Variants in RNGTT observed in about 807,000 individuals in gnomAD.
The protein encoded by RNGTT is RNA guanylyltransferase and 5'-phosphatase.
Under a neutral mutation model 79.3 loss-of-function variants are expected in RNGTT, and 33 were observed. The ratio of observed to expected loss-of-function variants is 0.42; its 90% CI spans 0.32 to 0.56. The LOEUF (loss-of-function observed/expected upper bound fraction) is 0.56. Ranked by LOEUF, RNGTT falls within the 20% of genes least tolerant of loss-of-function variation. The probability of loss-of-function intolerance (pLI) is 0.17; values close to 1 mark genes in which losing one functional copy is unlikely to be tolerated. For missense variants in RNGTT, 497 were observed against 739.1 expected (o/e 0.67, Z 3.80); for synonymous variants, 222 against 235.9 (o/e 0.94, Z 0.54).
chr6:88,816,297 A>G (rs1780312720), intron 11 of RNGTT, among the ~76,000 whole-genome samples: 1 of 152,220 alleles, frequency 6.6e-6, no homozygotes, highest in Non-Finnish European at 1.5e-5. Context: ...ATTATCTCCC[A>G]GGAAGATTCC....
At chr6:88,734,427 A>T (rs1777217640) in intron 13 of RNGTT, among the ~76,000 whole-genome samples, 1 of 152,196 alleles carries the variant, frequency 6.6e-6, no homozygotes, top group Non-Finnish European at 1.5e-5. Flanking sequence ...AACAAGTACA[A>T]CAAATAAAAA....
Position 88,682,569 on chromosome 6 carries a change from A to AT in RNGTT, c.1440-4151dup, listed in dbSNP as rs564415330. ...TTAAAAAGTGTATTCCATAAAGCAC[A>AT]TTTTTTTTCCTTTTTTTAAAATTTC... On this transcript the variant is annotated intron_variant, in intron 13 of 15. Transcript: ENST00000369485. Among the ~76,000 whole-genome samples the AT allele has an allele frequency of 1.8e-4, 28 of 152,098 alleles. No individual in the cohort carries two copies. In the South Asian group the frequency reaches 5.6e-3, roughly 30 times the overall value.
chr6:88,919,681 T>C (rs886531457), intron 4 of RNGTT, among the ~76,000 whole-genome samples: 2 of 151,154 alleles, frequency 1.3e-5, no homozygotes, highest in Admixed American at 1.3e-4. Flanking sequence ...CCTAATTATT[T>C]GATCAGTCTA....
intron 13 of RNGTT, among the ~76,000 whole-genome samples, chr6:88,769,023 C>T (rs1057184001): frequency 5.9e-5 from 9 of 152,082 alleles, no homozygotes; most frequent in Non-Finnish European, 1.3e-4. Flanking sequence ...AGACTTATTT[C>T]GATATGCTTA....
rs1162744002 is a variant in RNGTT at position 88,780,286 on chromosome 6, A to G, written c.1339-10412T>C. Among the ~76,000 whole-genome samples the G allele has an allele frequency of 2.6e-5, 4 of 152,340 alleles. No homozygotes were observed. The East Asian group carries it at 5.8e-4, about 22-fold the overall frequency. On this transcript the variant is annotated intron_variant, in intron 12 of 15. Coordinates refer to ENST00000369485, the MANE Select transcript of RNGTT (RefSeq NM_003800.5). ...ATTTAAAAATGAAATATCTGAGATT[A>G]TGAAATAAGCTAACAATATTTATGA...
intron 8 of RNGTT, among the ~76,000 whole-genome samples, chr6:88,878,072 ATTTG>A (rs200562338): frequency 6.7e-6 from 1 of 149,860 alleles, no homozygotes; most frequent in Non-Finnish European, 1.5e-5. Flanking sequence ...ACCTAATTTC[ATTTG>A]TTTATTTATT....
Position 88,612,619 on chromosome 6 carries a change from C to A in RNGTT, c.*100G>T. The A allele has an allele frequency of 7.7e-7, 1 of 1,291,554 alleles. No individual in the cohort carries two copies. Among genetic ancestry groups the A allele is most frequent in the Non-Finnish European group, 1.1e-6 (1 of 926,906 alleles). The allele number at this position is 1,291,554 out of a possible 1,614,324, so 80.0% of individuals were successfully genotyped here. Reference sequence around the variant, plus strand: ...AAAAAATTCAAATGTGTATCAACATCAAGCCACAGTCGTTTTTCAATTTCT... The same window carrying A: ...AAAAAATTCAAATGTGTATCAACATAAAGCCACAGTCGTTTTTCAATTTCT... On this transcript the variant is annotated 3_prime_UTR_variant, in exon 16 of 16. Transcript: ENST00000369485.
intron 12 of RNGTT, among the ~76,000 whole-genome samples, chr6:88,783,733 T>C (rs902232447): frequency 3.3e-5 from 5 of 151,754 alleles, no homozygotes; most frequent in African/African-American, 1.2e-4. Flanking sequence ...ATTGGGGCAG[T>C]TGACTCTTTG....
At chr6:88,820,438 T>C (rs1780460557) in intron 11 of RNGTT, among the ~76,000 whole-genome samples, 1 of 152,092 alleles carries the variant, frequency 6.6e-6, no homozygotes, top group African/African-American at 2.4e-5. Flanking sequence ...TTCTAGCTAA[T>C]AAAGTAAGAC....
chr6:88,868,437 T>A (rs151063815), intron 8 of RNGTT, among the ~76,000 whole-genome samples: 1 of 152,324 alleles, frequency 6.6e-6, no homozygotes, highest in East Asian at 1.9e-4. Flanking sequence ...CTGCCTTAAC[T>A]GTAAGAGCTT....
intron 5 of RNGTT, 146 bp downstream of exon 5, chr6:88,906,219 A>G: frequency 1.6e-6 from 1 of 616,214 alleles, no homozygotes; most frequent in Non-Finnish European, 2.9e-6. Context: ...TAGTATAAAG[A>G]TTAACCATAT....
intron 13 of RNGTT, among the ~76,000 whole-genome samples, chr6:88,763,569 G>T (rs1393899288): frequency 2.0e-5 from 3 of 152,104 alleles, no homozygotes; most frequent in South Asian, 4.1e-4. Flanking sequence ...AGAGACAGTG[G>T]TCACTCTGAC....
intron 14 of RNGTT, chr6:88,678,136 G>C: frequency 1.2e-6 from 1 of 859,612 alleles, no homozygotes; most frequent in Non-Finnish European, 1.5e-6. Flanking sequence ...ATAGGCACAT[G>C]CCACTGAACT....
chr6:88,924,209 T>C (rs1784249946), intron 4 of RNGTT, among the ~76,000 whole-genome samples: 1 of 152,170 alleles, frequency 6.6e-6, no homozygotes, highest in Non-Finnish European at 1.5e-5. Flanking sequence ...CAGGGCAAAG[T>C]CCCCTAGGAG....
At chr6:88,808,663 A>C (rs1780037178) in intron 11 of RNGTT, among the ~76,000 whole-genome samples, 1 of 152,316 alleles carries the variant, frequency 6.6e-6, no homozygotes, top group East Asian at 1.9e-4. Context: ...TAATGCCAGC[A>C]CTTTGAGGGG....
rs915926246 is a variant in RNGTT, at chr6:88,610,016, T to C, written c.*2703A>G. Among the ~76,000 whole-genome samples, 1 of 152,236 alleles carries C rather than the reference T, an allele frequency of 6.6e-6. No individual in the cohort carries two copies. Among genetic ancestry groups the C allele is most frequent in the African/African-American group, 2.4e-5 (1 of 41,464 alleles). On this transcript the variant is annotated 3_prime_UTR_variant, in exon 16 of 16. Transcript: ENST00000369485. Reference sequence around the variant, plus strand: ...GCTAAGATTAGATGAAGAGAAATAATATAAACATCATATAAAGATGTGCTT... The same window carrying C: ...GCTAAGATTAGATGAAGAGAAATAACATAAACATCATATAAAGATGTGCTT...
At chr6:88,795,573 T>C (rs1779570266) in intron 12 of RNGTT, among the ~76,000 whole-genome samples, 1 of 151,920 alleles carries the variant, frequency 6.6e-6, no homozygotes. Context: ...TTAGGAGAAA[T>C]ACTGAATGTA....
At chr6:88,699,627 T>C (rs761635019) in intron 13 of RNGTT, among the ~76,000 whole-genome samples, 14 of 152,116 alleles carry the variant, frequency 9.2e-5, no homozygotes, top group Non-Finnish European at 2.1e-4. Flanking sequence ...ATAGTGCCAC[T>C]GTACTCAGGT....
intron 12 of RNGTT, among the ~76,000 whole-genome samples, chr6:88,772,024 T>G (rs1032037807): frequency 6.6e-6 from 1 of 151,872 alleles, no homozygotes; most frequent in African/African-American, 2.4e-5. Context: ...CAAAAAAATT[T>G]AATAATTAGC....
Sources: gnomAD v4.1 joint callset for allele counts (sites outside exome capture counted in the v4.1 genomes callset) on GRCh38, gnomAD v4.1.1 for gene constraint, MANE v1.5 for transcripts, NCBI Gene and HGNC (gene_info 2026-07-23, HGNC 2026-07-21) for gene names.